Variants in NIPBL observed in about 807,000 individuals in gnomAD.
The protein encoded by NIPBL is NIPBL cohesin loading factor.
Under a neutral mutation model 321.8 loss-of-function variants are expected in NIPBL, and 19 were observed. The ratio of observed to expected loss-of-function variants is 0.06; its 90% CI spans 0.04 to 0.09. NIPBL has a LOEUF of 0.09. Ranked by LOEUF, NIPBL falls within the 10% of genes least tolerant of loss-of-function variation. The probability of loss-of-function intolerance (pLI) is 1.00; values close to 1 mark genes in which losing one functional copy is unlikely to be tolerated. For missense variants in NIPBL, 2,210 were observed against 3,327.0 expected, an observed-to-expected ratio of 0.66 and a Z score of 8.26; for synonymous variants, 1,106 against 1,114.1, an observed-to-expected ratio of 0.99 and a Z score of 0.14.
intron 1 of NIPBL, among the ~76,000 whole-genome samples, chr5:36,882,282 C>A (rs1056080275): frequency 6.6e-6 from 1 of 151,736 alleles, no homozygotes; most frequent in Admixed American, 6.6e-5. Flanking sequence ...TTGTGTCTGG[C>A]ACTATGTTGA....
At position 37,022,046 on chromosome 5, in the gene NIPBL, G is replaced by T; in HGVS notation, c.5329-5G>T. 1 of 1,612,130 alleles carries T rather than the reference G, an allele frequency of 6.2e-7. No homozygotes were observed. The highest frequency in any genetic ancestry group is 1.1e-5 in the South Asian group (1 of 90,984). ...TTTACAAAAATGTCAATGTTTGCTT[G>T]GCAGATCCTACGAGTTCTTGGTGAA... On this transcript the variant is annotated splice_region_variant and splice_polypyrimidine_tract_variant and intron_variant, in intron 27 of 46. Coordinates refer to ENST00000282516, the MANE Select transcript of NIPBL (RefSeq NM_133433.4).
chr5:37,041,649 G>A (rs945276959), intron 34 of NIPBL, among the ~76,000 whole-genome samples: 4 of 151,018 alleles, frequency 2.6e-5, no homozygotes, highest in Admixed American at 6.6e-5. Context: ...TGCAACCTTC[G>A]CCTCCCAGGT....
chr5:36,921,880 TG>T (rs1294281195), intron 1 of NIPBL, among the ~76,000 whole-genome samples: 1 of 149,614 alleles, frequency 6.7e-6, no homozygotes, highest in Non-Finnish European at 1.5e-5. Context: ...TTTTTGGTTT[TG>T]GGTTTTTTTT....
intron 1 of NIPBL, among the ~76,000 whole-genome samples, chr5:36,886,652 ACTC>A (rs1284615427): frequency 9.9e-5 from 15 of 151,766 alleles, no homozygotes; most frequent in Non-Finnish European, 2.1e-4. Context: ...ATACAGTAAA[ACTC>A]AGTCTTTTGG....
chr5:36,956,277 C>T (rs940064778), intron 3 of NIPBL, among the ~76,000 whole-genome samples: 8 of 152,128 alleles, frequency 5.3e-5, no homozygotes, highest in South Asian at 2.1e-4. Flanking sequence ...CATATTTATA[C>T]AAACAACACA....
chr5:37,009,052 G>T (rs1336340120), intron 20 of NIPBL, among the ~76,000 whole-genome samples: 1 of 152,102 alleles, frequency 6.6e-6, no homozygotes, highest in Non-Finnish European at 1.5e-5. Flanking sequence ...TACCCATTAG[G>T]TACCAATAGA....
chr5:36,922,550 C>G (rs1358543733), intron 1 of NIPBL, among the ~76,000 whole-genome samples: 1 of 152,052 alleles, frequency 6.6e-6, no homozygotes, highest in Admixed American at 6.5e-5. Context: ...GTCCAGCATA[C>G]TGGATACTTA....
chr5:37,062,203 G>A (rs1426191921), intron 45 of NIPBL, among the ~76,000 whole-genome samples: 3 of 152,180 alleles, frequency 2.0e-5, no homozygotes, highest in Non-Finnish European at 4.4e-5. Flanking sequence ...GAATCCGCAG[G>A]TGCGGAATCC....
chr5:36,894,966 T>C (rs1746622443), intron 1 of NIPBL, among the ~76,000 whole-genome samples: 1 of 152,226 alleles, frequency 6.6e-6, no homozygotes, highest in Admixed American at 6.5e-5. Context: ...GTGTAGCTCA[T>C]CTGGACTGGT....
chr5:36,893,403 T>C (rs1746494454), intron 1 of NIPBL, among the ~76,000 whole-genome samples: 1 of 152,200 alleles, frequency 6.6e-6, no homozygotes, highest in Admixed American at 6.5e-5. Flanking sequence ...TGAAAATTAG[T>C]ACTTTCCAAG....
At chr5:37,001,250 A>G (rs372325383) in intron 14 of NIPBL, among the ~76,000 whole-genome samples, 172 bp downstream of exon 14, 110 of 152,254 alleles carry the variant, frequency 7.2e-4, no homozygotes, top group African/African-American at 2.3e-3. Flanking sequence ...TTGACTAGCA[A>G]CTGCTCTTTT....
intron 20 of NIPBL, 40 bp downstream of exon 20, chr5:37,008,763 AC>A (rs766482920): frequency 1.0e-6 from 1 of 971,514 alleles, no homozygotes; most frequent in Non-Finnish European, 1.7e-6. Context: ...ATGAAGAACC[AC>A]CATTATATTG....
chr5:36,997,045 G>A (rs1746200340), intron 11 of NIPBL: 1 of 152,226 alleles, frequency 6.6e-6, no homozygotes, highest in South Asian at 2.1e-4. Flanking sequence ...ATTATGAAAT[G>A]TATTGACACA....
Position 37,036,428 on chromosome 5 carries a change from G to T in NIPBL, c.5912G>T (p.Cys1971Phe). The T allele has an allele frequency of 6.8e-7, 1 of 1,463,912 alleles. No homozygotes were observed. The highest frequency in any genetic ancestry group is 9.1e-7 in the Non-Finnish European group (1 of 1,100,496). 90.7% of individuals were successfully genotyped at this position (1,463,912 alleles called of 1,614,324 possible). ...TCATATAAACCTGTGAAGAAAGCTT[G>T]TACTCAACTTGTTGATAACCTAGTT... ...DSSYKPVKKA[C>F]TQLVDNLVEH... Residue 1971 changes from cysteine (C) to phenylalanine (F), a missense_variant, in exon 33 of 47, where the codon TGT (cysteine) becomes TTT (phenylalanine). Coordinates refer to ENST00000282516, the MANE Select transcript of NIPBL (RefSeq NM_133433.4).
intron 10 of NIPBL, among the ~76,000 whole-genome samples, chr5:36,989,789 A>C (rs1434502311): frequency 1.4e-5 from 2 of 143,404 alleles, no homozygotes; most frequent in Non-Finnish European, 3.0e-5. Context: ...CAGTGAGCTG[A>C]GATTGTGCCA....
intron 3 of NIPBL, among the ~76,000 whole-genome samples, chr5:36,956,792 T>G (rs1021341220): frequency 7.3e-5 from 11 of 151,656 alleles, no homozygotes; most frequent in African/African-American, 2.7e-4. Flanking sequence ...GCCTGGCTAA[T>G]TTTTGTATTT....
At position 36,972,242 on chromosome 5, in the gene NIPBL, C is replaced by T. The variant is rs149939731; in HGVS notation, c.868+201C>T. On this transcript the variant is annotated intron_variant, in intron 8 of 46. Coordinates refer to ENST00000282516, the MANE Select transcript of NIPBL (RefSeq NM_133433.4). Reference sequence around the variant, plus strand: ...ATTGATTCATTTATCTTCCACTTACCCAGTAATCTGTTGATAGTATTCTCG... The same window carrying T: ...ATTGATTCATTTATCTTCCACTTACTCAGTAATCTGTTGATAGTATTCTCG... Among the ~76,000 whole-genome samples, 1,047 of 151,992 alleles carry T rather than the reference C, an allele frequency of 6.9e-3. 12 individuals are homozygous for T. The highest frequency in any genetic ancestry group is 0.024 in the African/African-American group (993 of 41,452).
At chr5:36,937,487 A>G (rs1738569317) in intron 1 of NIPBL, among the ~76,000 whole-genome samples, 1 of 152,102 alleles carries the variant, frequency 6.6e-6, no homozygotes, top group Admixed American at 6.6e-5. Flanking sequence ...CATGGATTGC[A>G]TGATTTTGAC....
chr5:36,970,424 T>TATAA (rs927037780), intron 6 of NIPBL, among the ~76,000 whole-genome samples: 2 of 148,606 alleles, frequency 1.3e-5, no homozygotes, highest in African/African-American at 4.9e-5. Flanking sequence ...TATATATATA[T>TATAA]ATATATAAAA....
Sources: allele counts gnomAD v4.1 joint callset (sites outside exome capture counted in the v4.1 genomes callset), GRCh38; gene constraint gnomAD v4.1.1; transcripts MANE v1.5; gene names NCBI Gene and HGNC (gene_info 2026-07-23, HGNC 2026-07-21).